The following SATB1 variants were observed in gnomAD, a reference collection of about 807,000 sequenced individuals.
SATB1 encodes SATB homeobox 1.
In SATB1, 11 loss-of-function variants were observed where a neutral mutation model predicts 86.9. The ratio of observed to expected loss-of-function variants is 0.13; its 90% CI spans 0.08 to 0.21. The LOEUF (loss-of-function observed/expected upper bound fraction) is 0.21, where lower values mean the gene tolerates loss of function less well. Among genes scored for constraint, SATB1 ranks in the 10% least tolerant of loss-of-function variants. SATB1 has a pLI of 1.00. For synonymous variants in SATB1, 357 were observed against 357.2 expected (o/e 1.00, Z 0.01); for missense variants, 551 against 937.6 (o/e 0.59, Z 5.39).
chr3:18,361,886 T>C (rs919051854), intron 9 of SATB1, among the ~76,000 whole-genome samples: 1 of 152,156 alleles, frequency 6.6e-6, no homozygotes, highest in Non-Finnish European at 1.5e-5. Context: ...TACATGTGCA[T>C]GTGTGTGTAT....
At chr3:18,411,963 C>T (rs763735319) in intron 5 of SATB1, among the ~76,000 whole-genome samples, 28 of 151,850 alleles carry the variant, frequency 1.8e-4, no homozygotes, top group Non-Finnish European at 3.8e-4. Context: ...ATTATTGTAC[C>T]CAAATGTAAG....
intron 8 of SATB1, among the ~76,000 whole-genome samples, chr3:18,384,080 T>C (rs1265503622): frequency 6.6e-6 from 1 of 152,214 alleles, no homozygotes; most frequent in African/African-American, 2.4e-5. Flanking sequence ...GTATATACTG[T>C]ATATTTTCAT....
chr3:18,348,930 A>G lies in SATB1; in HGVS notation c.*240T>C. 3.3e-6 allele frequency: 2 copies of G among 600,968 alleles called. 1 individual carries two copies. Among genetic ancestry groups the G allele is most frequent in the South Asian group, 4.7e-5 (2 of 42,248 alleles). 37.2% of individuals were successfully genotyped at this position (600,968 alleles called of 1,614,324 possible). On this transcript the variant is annotated 3_prime_UTR_variant, in exon 11 of 11. Transcript: ENST00000338745. ...CACTTTGGTGCATCCCGTGAACACAAATTTTAATACCAAACAATCCTTGAT... is the reference window on the plus strand; with the variant it reads ...CACTTTGGTGCATCCCGTGAACACAGATTTTAATACCAAACAATCCTTGAT...
At chr3:18,407,950 G>A (rs1017356566) in intron 5 of SATB1, among the ~76,000 whole-genome samples, 1 of 152,016 alleles carries the variant, frequency 6.6e-6, no homozygotes, top group Non-Finnish European at 1.5e-5. Context: ...TAGGTGGACA[G>A]TAAAATGGGA....
At chr3:18,369,271 T>C (rs1695338693) in intron 9 of SATB1, among the ~76,000 whole-genome samples, 1 of 151,208 alleles carries the variant, frequency 6.6e-6, no homozygotes, top group Non-Finnish European at 1.5e-5. Flanking sequence ...ACTGAAAACA[T>C]AATACGGCAT....
At chr3:18,351,445 C>T (rs747452838) in intron 10 of SATB1, 4 of 1,458,394 alleles carry the variant, frequency 2.7e-6, no homozygotes, top group Non-Finnish European at 3.7e-6. Context: ...TCACCCCTAA[C>T]CTACATTCTG....
chr3:18,371,461 T>C (rs1695478505), intron 9 of SATB1, among the ~76,000 whole-genome samples: 1 of 152,174 alleles, frequency 6.6e-6, no homozygotes, highest in Non-Finnish European at 1.5e-5. Context: ...TATCTAAAAG[T>C]ATAACAAGTA....
chr3:18,425,722 G>C (rs933489342), upstream of SATB1, among the ~76,000 whole-genome samples: 18 of 151,912 alleles, frequency 1.2e-4, no homozygotes. Context: ...AGGGCGCAGA[G>C]GGGAGGAGGA....
At chr3:18,363,287 C>G (rs1259946295) in intron 9 of SATB1, among the ~76,000 whole-genome samples, 2 of 152,160 alleles carry the variant, frequency 1.3e-5, no homozygotes, top group African/African-American at 4.8e-5. Context: ...GTGTCCAAAA[C>G]CGCATCATTT....
chr3:18,347,463 T>G lies in SATB1; in HGVS notation c.*1707A>C, dbSNP rs1186592832. ...TTATGAGATACACTTACGAGCTCAGTTATTAACTTATTCCACTTATAACTT... is the reference window on the plus strand; with the variant it reads ...TTATGAGATACACTTACGAGCTCAGGTATTAACTTATTCCACTTATAACTT... On this transcript the variant is annotated 3_prime_UTR_variant, in exon 11 of 11. Transcript: ENST00000338745. 2 of 152,094 alleles carry G rather than the reference T, an allele frequency of 1.3e-5. No homozygotes were observed. The highest frequency in any genetic ancestry group is 2.9e-5 in the Non-Finnish European group (2 of 68,024). 9.4% of individuals were successfully genotyped at this position (152,094 alleles called of 1,614,324 possible). A position where few individuals can be genotyped will look rare whatever the true frequency, so the allele number is the denominator to read the frequency against.
intron 9 of SATB1, among the ~76,000 whole-genome samples, chr3:18,372,592 A>G (rs1695529863): frequency 6.6e-6 from 1 of 152,202 alleles, no homozygotes; most frequent in South Asian, 2.1e-4. Context: ...TGGACCTCAC[A>G]GATCAAATCC....
intron 2 of SATB1, 78 bp from the exon 3 acceptor site, chr3:18,417,156 AT>A: frequency 1.4e-6 from 2 of 1,412,102 alleles, no homozygotes; most frequent in Non-Finnish European, 2.0e-6. Flanking sequence ...GGGAGGAAAT[AT>A]TAGCCATGAA....
chr3:18,421,200 CTG>C (rs1253962736), intron 1 of SATB1: 1 of 497,140 alleles, frequency 2.0e-6, no homozygotes, highest in East Asian at 3.6e-5. Flanking sequence ...TCTGTGGAAA[CTG>C]TACCAATACA....
In SATB1 at chr3:18,444,857, C is replaced by T; in HGVS notation, c.-25+661G>A. ...GGCGAGGAGCGAGCGAGCGAGCGCGCGGGGCCAAGGGAAGGAAGAGAAGGA... is the reference window on the plus strand; with the variant it reads ...GGCGAGGAGCGAGCGAGCGAGCGCGTGGGGCCAAGGGAAGGAAGAGAAGGA... On this transcript the variant is annotated intron_variant, in intron 1 of 3. Transcript: ENST00000415069. The surrounding 1 kb of genome is among the most constrained non-coding windows in gnomAD (Gnocchi z 5.1). 6.9e-6 allele frequency: 1 copy of T among 144,662 alleles called. No individual in the cohort carries two copies. Among genetic ancestry groups the T allele is most frequent in the Non-Finnish European group, 1.4e-5 (1 of 70,326 alleles). 9.0% of individuals were successfully genotyped at this position (144,662 alleles called of 1,614,324 possible).
chr3:18,415,900 T>C, intron 4 of SATB1, 107 bp downstream of exon 4: 6 of 1,097,332 alleles, frequency 5.5e-6, no homozygotes, highest in Non-Finnish European at 7.8e-6. Context: ...TTAACCTTTC[T>C]GAAACACAGA....
chr3:18,418,377 TGA>T (rs751282962), intron 2 of SATB1, among the ~76,000 whole-genome samples: 4 of 152,180 alleles, frequency 2.6e-5, no homozygotes, highest in Non-Finnish European at 4.4e-5. Context: ...TTTCTACATG[TGA>T]GTCTTCACCA....
At chr3:18,360,178 C>T (rs911071364) in intron 9 of SATB1, among the ~76,000 whole-genome samples, 3 of 152,092 alleles carry the variant, frequency 2.0e-5, no homozygotes, top group Admixed American at 1.3e-4. Flanking sequence ...TGTTTAATTT[C>T]GCCCATGAAA....
At chr3:18,437,472 A>G (rs1288308476) in intron 1 of SATB1, among the ~76,000 whole-genome samples, 3 of 152,184 alleles carry the variant, frequency 2.0e-5, no homozygotes, top group Admixed American at 6.5e-5. Context: ...TGTTAAGAGT[A>G]TACATCATTC....
In SATB1 at chr3:18,386,211, T is replaced by C. The variant is rs1250889170; in HGVS notation, c.1419+188A>G. On this transcript the variant is annotated intron_variant, in intron 8 of 10. Transcript: ENST00000338745. This position sits in a 1 kb window ranked among gnomAD's most constrained non-coding sequence, Gnocchi z 4.5. ...ACACAAAGCAATTTTCTTCCCTCTA[T>C]CTAATTAGGAGCTTATTGTTTTTAT... is the stretch of plus-strand genomic sequence containing the variant. Among the ~76,000 whole-genome samples, 1 of 152,134 alleles carries C rather than the reference T, an allele frequency of 6.6e-6. No individual in the cohort carries two copies. The highest frequency in any genetic ancestry group is 2.4e-5 in the African/African-American group (1 of 41,424).
Sources: allele counts gnomAD v4.1 joint callset (sites outside exome capture counted in the v4.1 genomes callset), GRCh38; gene constraint gnomAD v4.1.1; non-coding constraint Gnocchi (gnomAD v3.1); transcripts MANE v1.5; gene names NCBI Gene and HGNC (gene_info 2026-07-23, HGNC 2026-07-21).